The following DCPH1 variants were observed in gnomAD, a reference collection of about 807,000 sequenced individuals.
The protein encoded by DCPH1 is damage control phosphatase 1, also known as damage-control phosphatase 1.
chr6:151,454,100 TTA>T, the DCPH1 span, among the ~76,000 whole-genome samples: 1 of 152,194 alleles, frequency 6.6e-6, no homozygotes, highest in African/African-American at 2.4e-5. Context: ...CTTTAATTCT[TTA>T]TGTTGTTCAA....
At chr6:151,456,356 G>T in the DCPH1 span, among the ~76,000 whole-genome samples, 3 of 152,200 alleles carry the variant, frequency 2.0e-5, no homozygotes, top group African/African-American at 7.2e-5. Flanking sequence ...AATGGAGCAA[G>T]ATAACACACA....
At chr6:151,468,080 T>A in the DCPH1 span, among the ~76,000 whole-genome samples, 1 of 152,258 alleles carries the variant, frequency 6.6e-6, no homozygotes, top group Non-Finnish European at 1.5e-5. Context: ...GAATAAACAA[T>A]GTGAGTGCTG....
the DCPH1 span, chr6:151,464,592 A>G: frequency 1.2e-6 from 2 of 1,608,762 alleles, no homozygotes; most frequent in Non-Finnish European, 1.7e-6. Context: ...AAATCAGCTG[A>G]AAGATGAGTT....
the DCPH1 span, among the ~76,000 whole-genome samples, chr6:151,466,968 C>T: frequency 1.6e-3 from 237 of 151,820 alleles, no homozygotes; most frequent in Non-Finnish European, 9.9e-4. Flanking sequence ...TAATACTGTT[C>T]GGCCGGGCAT....
At chr6:151,466,988 C>G in the DCPH1 span, among the ~76,000 whole-genome samples, 3 of 152,148 alleles carry the variant, frequency 2.0e-5, no homozygotes, top group Non-Finnish European at 4.4e-5. Flanking sequence ...TGGTGGCTCA[C>G]ACCTGTAATC....
the DCPH1 span, among the ~76,000 whole-genome samples, chr6:151,455,209 T>C: frequency 7.2e-6 from 1 of 138,990 alleles, no homozygotes; most frequent in East Asian, 2.2e-4. Flanking sequence ...AACTATGTTA[T>C]TGAAGGGGTG....
chr6:151,465,857 C>A, the DCPH1 span, among the ~76,000 whole-genome samples: 1 of 152,304 alleles, frequency 6.6e-6, no homozygotes, highest in African/African-American at 2.4e-5. Flanking sequence ...CCTGGTGAGA[C>A]CCCGAGGGCA....
chr6:151,463,873 G>T, the DCPH1 span, among the ~76,000 whole-genome samples: 1 of 152,136 alleles, frequency 6.6e-6, no homozygotes, highest in Non-Finnish European at 1.5e-5. Context: ...TGAAGGTGTA[G>T]CCATGCCACA....
the DCPH1 span, among the ~76,000 whole-genome samples, chr6:151,455,143 T>A: frequency 6.6e-6 from 1 of 151,676 alleles, no homozygotes; most frequent in Admixed American, 6.6e-5. Flanking sequence ...CAGTGCAGAA[T>A]AGGACTTTAG....
chr6:151,463,698 CCTAACATGAATGACCCATGGAAAAAGTAG>C, the DCPH1 span, among the ~76,000 whole-genome samples: 2 of 152,144 alleles, frequency 1.3e-5, no homozygotes, highest in African/African-American at 4.8e-5. Context: ...TTGTTTTTAC[CCTAACATGAATGACCCATGGAAAAAGTAG>C]CTAATTTGGA....
the DCPH1 span, chr6:151,464,600 G>GT: frequency 6.8e-6 from 11 of 1,607,176 alleles, no homozygotes; most frequent in African/African-American, 2.7e-5. Flanking sequence ...TGAAAGATGA[G>GT]TTTTTTAAAC....
the DCPH1 span, among the ~76,000 whole-genome samples, chr6:151,462,144 TA>T: frequency 1.3e-5 from 2 of 152,218 alleles, no homozygotes; most frequent in East Asian, 3.8e-4. Flanking sequence ...ACATATTAGG[TA>T]AATACACTTC....
the DCPH1 span, chr6:151,452,493 T>A: frequency 6.3e-7 from 1 of 1,599,236 alleles, no homozygotes; most frequent in Non-Finnish European, 8.5e-7. Context: ...GTACCGCCTC[T>A]GTTTCTGCGG....
chr6:151,461,897 C>T, the DCPH1 span, among the ~76,000 whole-genome samples: 2 of 152,100 alleles, frequency 1.3e-5, no homozygotes, highest in Admixed American at 6.5e-5. Flanking sequence ...CTTCCCAAAG[C>T]GGTTTCTGTG....
the DCPH1 span, among the ~76,000 whole-genome samples, chr6:151,461,070 A>G: frequency 6.6e-6 from 1 of 152,224 alleles, no homozygotes; most frequent in African/African-American, 2.4e-5. Flanking sequence ...TTATTCAGCC[A>G]TTCTTCCCAA....
chr6:151,452,982 GTC>G, the DCPH1 span, among the ~76,000 whole-genome samples: 3 of 152,224 alleles, frequency 2.0e-5, no homozygotes, highest in Non-Finnish European at 4.4e-5. Context: ...AGTAAGAACT[GTC>G]TAGTTTTTTG....
chr6:151,457,956 G>C, the DCPH1 span, among the ~76,000 whole-genome samples: 1 of 152,066 alleles, frequency 6.6e-6, no homozygotes, highest in African/African-American at 2.4e-5. Flanking sequence ...AAAAAAATTT[G>C]AGCTACCAAA....
the DCPH1 span, among the ~76,000 whole-genome samples, chr6:151,463,622 TAAATACTGGTATGTTA>T: frequency 1.3e-3 from 204 of 152,276 alleles, no homozygotes; most frequent in African/African-American, 4.4e-3. Flanking sequence ...TTTGGATGTT[TAAATACTGGTATGTTA>T]TTTAAAAAAA....
chr6:151,464,786 A>G, the DCPH1 span, among the ~76,000 whole-genome samples: 1 of 152,144 alleles, frequency 6.6e-6, no homozygotes. Flanking sequence ...GGTTTGAAAT[A>G]TTTTTCTGCT....
Sources: gnomAD v4.1 joint callset for allele counts (sites outside exome capture counted in the v4.1 genomes callset) on GRCh38, gnomAD v4.1.1 for gene constraint, MANE v1.5 for transcripts, NCBI Gene and HGNC (gene_info 2026-07-23, HGNC 2026-07-21) for gene names.